ZNF385B: variants seen among roughly 807,000 people sequenced by gnomAD.
ZNF385B encodes the protein zinc finger protein 533.
A neutral mutation model predicts 39.2 loss-of-function variants in ZNF385B; 23 were observed. The ratio of observed to expected loss-of-function variants is 0.59; its 90% confidence interval spans 0.42 to 0.83. The LOEUF is 0.83. Among genes scored for constraint, ZNF385B ranks in the 40% least tolerant of loss-of-function variants. The pLI is 0.00. For synonymous variants in ZNF385B, 205 were observed against 222.6 expected (o/e 0.92, Z 0.70); for missense variants, 552 against 598.9 (o/e 0.92, Z 0.82).
At chr2:179,493,856 T>C (rs2055857342) in intron 5 of ZNF385B, among the ~76,000 whole-genome samples, 1 of 149,170 alleles carries the variant, frequency 6.7e-6, no homozygotes. Context: ...AGGAGGAATG[T>C]AACACTAAGG....
chr2:179,794,841 G>C (rs1012411995), intron 1 of ZNF385B, among the ~76,000 whole-genome samples: 2 of 152,094 alleles, frequency 1.3e-5, no homozygotes, highest in Non-Finnish European at 2.9e-5. Context: ...GTATTAAAGA[G>C]AAGAAATTGG....
intron 5 of ZNF385B, among the ~76,000 whole-genome samples, chr2:179,490,533 T>A (rs17747613): frequency 0.26 from 39,699 of 151,698 alleles, 5,378 homozygotes; most frequent in East Asian, 0.38. Flanking sequence ...GGAGAAGTTA[T>A]AAATGGACCA....
At chr2:179,763,134 C>T (rs1228218537) in intron 3 of ZNF385B, among the ~76,000 whole-genome samples, 4 of 152,064 alleles carry the variant, frequency 2.6e-5, no homozygotes, top group Admixed American at 2.0e-4. Context: ...CAACACCTGA[C>T]CTCAAGTGAT....
intron 3 of ZNF385B, among the ~76,000 whole-genome samples, chr2:179,693,282 A>G (rs1045290353): frequency 6.6e-6 from 1 of 152,162 alleles, no homozygotes; most frequent in African/African-American, 2.4e-5. Context: ...CCCACCACAC[A>G]TGTTCCTTTT....
At chr2:179,649,444 C>G (rs908413804) in intron 3 of ZNF385B, among the ~76,000 whole-genome samples, 5 of 152,102 alleles carry the variant, frequency 3.3e-5, no homozygotes, top group Non-Finnish European at 5.9e-5. Flanking sequence ...TACCACAGCG[C>G]TCCAGGGTGA....
chr2:179,536,605 T>C (rs927326493), intron 4 of ZNF385B: 3 of 152,200 alleles, frequency 2.0e-5, no homozygotes, highest in African/African-American at 4.8e-5. Flanking sequence ...TTTTATGAAA[T>C]GAATTGACTG....
intron 5 of ZNF385B, among the ~76,000 whole-genome samples, chr2:179,485,856 A>G (rs930987664): frequency 6.6e-6 from 1 of 152,202 alleles, no homozygotes; most frequent in Non-Finnish European, 1.5e-5. Context: ...TCCCTAGCAT[A>G]TAACCCAGGT....
At chr2:179,690,238 A>C (rs1439725429) in intron 3 of ZNF385B, among the ~76,000 whole-genome samples, 1 of 152,146 alleles carries the variant, frequency 6.6e-6, no homozygotes, top group African/African-American at 2.4e-5. Context: ...GAGAACTGAG[A>C]TACTGGACTG....
chr2:179,651,306 G>A (rs1356465538), intron 3 of ZNF385B, among the ~76,000 whole-genome samples: 1 of 152,034 alleles, frequency 6.6e-6, no homozygotes, highest in African/African-American at 2.4e-5. Flanking sequence ...ATCAATAAAC[G>A]TAAAGCAGTG....
chr2:179,443,451 C>G lies in ZNF385B; in HGVS notation c.1260G>C (p.Gln420His), dbSNP rs759737680. ...PSILAAKLAF[Q>H]KDMMKPLAPA... ...GGGCCAAAGGCTTCATCATATCTTTCTGGAATGCAAGTTTTGCCTAAGGGA... is the reference window on the plus strand; with the variant it reads ...GGGCCAAAGGCTTCATCATATCTTTGTGGAATGCAAGTTTTGCCTAAGGGA... The change falls in exon 10 of 10, where the codon CAG becomes CAC. Residue 420 changes from glutamine (Q) to histidine (H), a missense_variant. By Grantham distance (24) the Gln-to-His change is conservative. Transcript: ENST00000410066. 6.2e-7 allele frequency: 1 copy of G among 1,603,010 alleles called. No homozygotes were observed. Among genetic ancestry groups the G allele is most frequent in the East Asian group, 2.2e-5 (1 of 44,570 alleles).
At chr2:179,835,354 CA>C (rs1447758204) in intron 1 of ZNF385B, among the ~76,000 whole-genome samples, 2 of 152,078 alleles carry the variant, frequency 1.3e-5, no homozygotes, top group Admixed American at 1.3e-4. Context: ...AAATGTTGGG[CA>C]GGGGGAAGGT....
Position 179,553,920 on chromosome 2 carries a change from G to C in ZNF385B, c.299-8951C>G, listed in dbSNP as rs2105934745. On this transcript the variant is annotated intron_variant, in intron 3 of 9. Transcript: ENST00000410066. ...CAACACTGTTCTACACCTGTTAAAA[G>C]CACCAACTCAGCAGACAGATATGTT... 2.0e-5 allele frequency among the ~76,000 whole-genome samples: 3 copies of C among 148,952 alleles called. 1 individual carries two copies. In the Middle Eastern group the frequency reaches 0.01, roughly 514 times the overall value.
intron 3 of ZNF385B, among the ~76,000 whole-genome samples, chr2:179,634,173 CA>C (rs1230604744): frequency 1.3e-5 from 2 of 151,994 alleles, no homozygotes; most frequent in Non-Finnish European, 2.9e-5. Context: ...ACTAAAACAC[CA>C]AAAGCAATGG....
At chr2:179,817,063 G>A (rs754875717) in intron 1 of ZNF385B, among the ~76,000 whole-genome samples, 2 of 152,032 alleles carry the variant, frequency 1.3e-5, no homozygotes, top group Admixed American at 1.3e-4. Flanking sequence ...GTTGAAAATC[G>A]AAGAAGGACA....
chr2:179,795,644 T>C (rs940885312), intron 1 of ZNF385B, among the ~76,000 whole-genome samples: 1 of 152,130 alleles, frequency 6.6e-6, no homozygotes, highest in African/African-American at 2.4e-5. Flanking sequence ...TTTTTCTATG[T>C]GAACCAACAC....
At chr2:179,670,189 G>C (rs1433991731) in intron 3 of ZNF385B, among the ~76,000 whole-genome samples, 2 of 151,874 alleles carry the variant, frequency 1.3e-5, no homozygotes, top group Non-Finnish European at 2.9e-5. Flanking sequence ...CTACTCGGGA[G>C]GCTGAGGCAG....
intron 6 of ZNF385B, among the ~76,000 whole-genome samples, chr2:179,471,901 C>T (rs2052811515): frequency 6.6e-6 from 1 of 152,166 alleles, no homozygotes. Context: ...TTCTATGTTG[C>T]TTCTTTTATT....
chr2:179,592,235 C>T (rs1467453526), intron 3 of ZNF385B, among the ~76,000 whole-genome samples: 3 of 152,144 alleles, frequency 2.0e-5, no homozygotes, highest in Admixed American at 1.3e-4. Flanking sequence ...GAGCTCTCTA[C>T]ACCCTCTTCC....
chr2:179,510,847 C>T (rs116703343), intron 5 of ZNF385B, among the ~76,000 whole-genome samples: 16,794 of 152,088 alleles, frequency 0.11, 1,177 homozygotes, highest in Non-Finnish European at 0.16. Context: ...TAGAAGAAAA[C>T]ACAGGGGAAG....
Sources: gnomAD v4.1 joint callset for allele counts (sites outside exome capture counted in the v4.1 genomes callset) on GRCh38, gnomAD v4.1.1 for gene constraint, MANE v1.5 for transcripts, NCBI Gene and HGNC (gene_info 2026-07-23, HGNC 2026-07-21) for gene names.